SH3PXD2B: variants seen among roughly 807,000 people sequenced by gnomAD.
SH3PXD2B encodes the protein SH3 and PX domains 2B.
A neutral mutation model predicts 73.1 loss-of-function variants in SH3PXD2B; 37 were observed. The observed-to-expected ratio is 0.51, with a 90% CI of 0.39 to 0.67. The LOEUF (loss-of-function observed/expected upper bound fraction) is 0.67. Among genes scored for constraint, SH3PXD2B ranks in the 30% least tolerant of loss-of-function variants. The pLI, the probability that SH3PXD2B is intolerant of heterozygous loss-of-function variation, is 0.00. For missense variants in SH3PXD2B, 1,053 were observed against 1,197.8 expected (o/e 0.88, Z 1.78); for synonymous variants, 457 against 480.5 (o/e 0.95, Z 0.64).
chr5:172,352,906 T>G (rs867512484), intron 9 of SH3PXD2B, among the ~76,000 whole-genome samples: 3 of 152,116 alleles, frequency 2.0e-5, no homozygotes, highest in Non-Finnish European at 4.4e-5. Flanking sequence ...TTACTATCAT[T>G]ATCCGTTTTC....
At chr5:172,416,157 G>A (rs1758814761) in intron 2 of SH3PXD2B, among the ~76,000 whole-genome samples, 2 of 151,996 alleles carry the variant, frequency 1.3e-5, no homozygotes, top group East Asian at 1.9e-4. Flanking sequence ...GCAAGACTCC[G>A]TCTCTACAAA....
chr5:172,430,497 A>G (rs1364403427), intron 1 of SH3PXD2B, among the ~76,000 whole-genome samples: 2 of 151,854 alleles, frequency 1.3e-5, no homozygotes, highest in Non-Finnish European at 2.9e-5. Flanking sequence ...ACCCCCACCC[A>G]CCCTGGGCCT....
intron 8 of SH3PXD2B, among the ~76,000 whole-genome samples, chr5:172,357,829 C>G (rs1581272290): frequency 1.3e-5 from 2 of 152,190 alleles, no homozygotes; most frequent in African/African-American, 2.4e-5. Flanking sequence ...CCTTTGGGCA[C>G]AGAAATTTCC....
chr5:172,426,023 A>C (rs538414597), intron 1 of SH3PXD2B, among the ~76,000 whole-genome samples: 2 of 152,280 alleles, frequency 1.3e-5, no homozygotes, highest in African/African-American at 4.8e-5. Context: ...AACAAGGAAA[A>C]ATTGTCAAAG....
chr5:172,430,793 C>T (rs1759217950), intron 1 of SH3PXD2B, among the ~76,000 whole-genome samples: 2 of 152,242 alleles, frequency 1.3e-5, no homozygotes, highest in South Asian at 2.1e-4. Flanking sequence ...AACTTGACCA[C>T]TTTGAAAAGG....
intron 2 of SH3PXD2B, among the ~76,000 whole-genome samples, chr5:172,411,269 C>T (rs140438814): frequency 7.9e-4 from 120 of 152,158 alleles, no homozygotes; most frequent in African/African-American, 2.6e-3. Flanking sequence ...TTCCAATCTC[C>T]GGGTTCCTTT....
chr5:172,372,072 T>A (rs1757717273), intron 6 of SH3PXD2B, among the ~76,000 whole-genome samples: 1 of 152,212 alleles, frequency 6.6e-6, no homozygotes, highest in African/African-American at 2.4e-5. Context: ...GCCTGTGAAG[T>A]TGACCACAGG....
In SH3PXD2B at chr5:172,336,808, T is replaced by G; in HGVS notation, c.*1561A>C. 1 of 985,624 alleles carries G rather than the reference T, an allele frequency of 1.0e-6. No homozygotes were observed. The highest frequency in any genetic ancestry group is 1.2e-6 in the Non-Finnish European group (1 of 830,100). The allele number at this position is 985,624 out of a possible 1,614,324, so 61.1% of individuals were successfully genotyped here. On this transcript the variant is annotated 3_prime_UTR_variant, in exon 13 of 13. Transcript: ENST00000311601. ...GAGCTAGAAATGCTGGGTCCTGATT[T>G]TGCTTCTGCAGTGATTTAGTCATGC...
At chr5:172,450,884 G>A (rs1484373363) in intron 1 of SH3PXD2B, among the ~76,000 whole-genome samples, 1 of 152,212 alleles carries the variant, frequency 6.6e-6, no homozygotes, top group Non-Finnish European at 1.5e-5. Flanking sequence ...GAGAAAGGCA[G>A]GAGCTCCCCA....
intron 1 of SH3PXD2B, among the ~76,000 whole-genome samples, chr5:172,453,026 T>C (rs568364558): frequency 1.3e-5 from 2 of 152,256 alleles, no homozygotes; most frequent in African/African-American, 4.8e-5. Context: ...CCCTTTCTTG[T>C]GGAGAGCGCG....
Position 172,334,089 on chromosome 5 carries a change from A to G in SH3PXD2B, c.*4280T>C. 8.8e-7 allele frequency: 1 copy of G among 1,134,424 alleles called. No homozygotes were observed. Among genetic ancestry groups the G allele is most frequent in the South Asian group, 1.9e-5 (1 of 52,230 alleles). The allele number at this position is 1,134,424 out of a possible 1,614,324, so 70.3% of individuals were successfully genotyped here. ...GAGGACAGAAGAGGTTGAGCCCCTCATCCCTGATTGGAGCTAAGAAGGCTT... is the reference window on the plus strand; with the variant it reads ...GAGGACAGAAGAGGTTGAGCCCCTCGTCCCTGATTGGAGCTAAGAAGGCTT... On this transcript the variant is annotated 3_prime_UTR_variant, in exon 13 of 13. Transcript: ENST00000311601.
In SH3PXD2B at chr5:172,337,338, T is replaced by C. The variant is rs982268022; in HGVS notation, c.*1031A>G. Reference sequence around the variant, plus strand: ...TTTACAGAGGGGAGGGCACAGGCACTGAAGTCAGGCAGGCCTGGACTCAAA... The same window carrying C: ...TTTACAGAGGGGAGGGCACAGGCACCGAAGTCAGGCAGGCCTGGACTCAAA... On this transcript the variant is annotated 3_prime_UTR_variant, in exon 13 of 13. Transcript: ENST00000311601. The C allele has an allele frequency of 1.0e-6, 1 of 985,498 alleles. No individual in the cohort carries two copies. Among genetic ancestry groups the C allele is most frequent in the African/African-American group, 1.7e-5 (1 of 57,364 alleles). The allele number at this position is 985,498 out of a possible 1,614,324, so 61.0% of individuals were successfully genotyped here.
At chr5:172,340,558 A>G (rs1366405541) in intron 12 of SH3PXD2B, among the ~76,000 whole-genome samples, 1 of 152,166 alleles carries the variant, frequency 6.6e-6, no homozygotes, top group East Asian at 1.9e-4. Context: ...CGGATGAAGA[A>G]GTTAGCTGGC....
rs773015718 is a variant in SH3PXD2B, at chr5:172,339,822, G to C, written c.1283C>G (p.Thr428Arg). The C allele has an allele frequency of 6.2e-7, 1 of 1,613,934 alleles. No homozygotes were observed. The change falls in exon 13 of 13, where the codon ACG becomes AGG. Residue 428 changes from threonine to arginine, a missense_variant. Physicochemically the swap from Thr to Arg is moderately conservative, Grantham distance 71. Transcript: ENST00000311601. The surrounding 1 kb of genome is among the most constrained non-coding windows in gnomAD (Gnocchi z 6.1). ...PATFIDKYKK[T>R]SNASRPNFLA... Reference sequence around the variant, plus strand: ...AAAGTTGGGTCTCGACGCGTTGCTCGTCTTCTTGTACTTGTCAATGAAGGT... The same window carrying C: ...AAAGTTGGGTCTCGACGCGTTGCTCCTCTTCTTGTACTTGTCAATGAAGGT...
chr5:172,334,239 G>A lies in SH3PXD2B; in HGVS notation c.*4130C>T, dbSNP rs1206232748. On this transcript the variant is annotated 3_prime_UTR_variant, in exon 13 of 13. Transcript: ENST00000311601. ...ACGGAGCTGGGCAGTCCAGTCTGTA[G>A]AAAGGTGCTCTGAAGGAGGTCCATG... The A allele has an allele frequency of 1.9e-6, 2 of 1,047,832 alleles. No individual in the cohort carries two copies. Among genetic ancestry groups the A allele is most frequent in the South Asian group, 3.3e-5 (1 of 30,052 alleles). The allele number at this position is 1,047,832 out of a possible 1,614,324, so 64.9% of individuals were successfully genotyped here.
chr5:172,343,115 G>A (rs1452597507), intron 12 of SH3PXD2B, among the ~76,000 whole-genome samples: 1 of 152,254 alleles, frequency 6.6e-6, no homozygotes, highest in African/African-American at 2.4e-5. Context: ...TTAGAGTGGA[G>A]GTCACTGAGC....
chr5:172,338,295 A>C lies in SH3PXD2B; in HGVS notation c.*74T>G. ...CTTGGAAGCTGCGTGGAGAATGATA[A>C]ATTAAGAGGCGTATTAAATACGTGG... is the stretch of plus-strand genomic sequence containing the variant. On this transcript the variant is annotated 3_prime_UTR_variant, in exon 13 of 13. Coordinates refer to ENST00000311601, the MANE Select transcript of SH3PXD2B (RefSeq NM_001017995.3). The surrounding 1 kb of genome is among the most constrained non-coding windows in gnomAD (Gnocchi z 5.1). 1 of 1,611,026 alleles carries C rather than the reference A, an allele frequency of 6.2e-7. No individual in the cohort carries two copies. Among genetic ancestry groups the C allele is most frequent in the Non-Finnish European group, 8.5e-7 (1 of 1,179,784 alleles).
intron 2 of SH3PXD2B, among the ~76,000 whole-genome samples, chr5:172,417,158 C>T (rs1758845316): frequency 6.6e-6 from 1 of 152,198 alleles, no homozygotes; most frequent in African/African-American, 2.4e-5. Context: ...TCCATGATGT[C>T]CTCCAGGGAA....
chr5:172,382,856 G>A (rs192903334), intron 4 of SH3PXD2B, among the ~76,000 whole-genome samples: 1 of 151,788 alleles, frequency 6.6e-6, no homozygotes. Flanking sequence ...AGTCTCCTGA[G>A]TAGCTGGGAT....
Sources: gnomAD v4.1 joint callset for allele counts (sites outside exome capture counted in the v4.1 genomes callset) on GRCh38, gnomAD v4.1.1 for gene constraint, Gnocchi (gnomAD v3.1) non-coding constraint, MANE v1.5 for transcripts, NCBI Gene and HGNC (gene_info 2026-07-23, HGNC 2026-07-21) for gene names.